NCOA2: variants seen among roughly 807,000 people sequenced by gnomAD.
NCOA2 encodes nuclear receptor coactivator 2, also known as class E basic helix-loop-helix protein 75.
In NCOA2, 21 loss-of-function variants were observed where a neutral mutation model predicts 145.1. That is an observed-to-expected ratio of 0.14 (90% confidence interval 0.10 to 0.21). NCOA2 has a LOEUF of 0.21. Among genes scored for constraint, NCOA2 ranks in the 10% least tolerant of loss-of-function variants. The pLI, the probability that NCOA2 is intolerant of heterozygous loss-of-function variation, is 1.00. For missense variants in NCOA2, 1,472 were observed against 1,837.6 expected, an observed-to-expected ratio of 0.80 and a Z score of 3.64; for synonymous variants, 619 against 637.5, an observed-to-expected ratio of 0.97 and a Z score of 0.44.
intron 1 of NCOA2, among the ~76,000 whole-genome samples, chr8:70,331,029 TAAAGA>T (rs71264506): frequency 0.1 from 15,903 of 152,066 alleles, 1,251 homozygotes; most frequent in East Asian, 0.4. Flanking sequence ...GAACAGTCAG[TAAAGA>T]AAACAGTTCT....
intron 2 of NCOA2, among the ~76,000 whole-genome samples, chr8:70,229,789 T>G (rs1296136209): frequency 2.0e-5 from 3 of 152,138 alleles, no homozygotes; most frequent in Non-Finnish European, 2.9e-5. Flanking sequence ...ACTTCGGAGG[T>G]GAAGCACAGC....
intron 1 of NCOA2, among the ~76,000 whole-genome samples, chr8:70,375,766 A>C (rs1195521958): frequency 6.6e-6 from 1 of 152,166 alleles, no homozygotes; most frequent in Non-Finnish European, 1.5e-5. Flanking sequence ...AAATGTCAAT[A>C]TCTCTAATTC....
chr8:70,364,999 T>G (rs1810558943), intron 1 of NCOA2, among the ~76,000 whole-genome samples: 1 of 152,076 alleles, frequency 6.6e-6, no homozygotes, highest in Non-Finnish European at 1.5e-5. Flanking sequence ...AAAAATATAT[T>G]CACTTCAATC....
the NCOA2 span, among the ~76,000 whole-genome samples, chr8:70,420,537 T>C: frequency 2.0e-4 from 31 of 152,220 alleles, no homozygotes; most frequent in African/African-American, 7.2e-4. Flanking sequence ...CTAATGATTG[T>C]GGCAAAGAAG....
intron 1 of NCOA2, among the ~76,000 whole-genome samples, chr8:70,309,584 T>C (rs1828148607): frequency 6.6e-6 from 1 of 152,140 alleles, no homozygotes; most frequent in African/African-American, 2.4e-5. Flanking sequence ...TCAAGGAACT[T>C]ACAAGAAAAC....
At chr8:70,258,411 T>G (rs762645119) in intron 2 of NCOA2, among the ~76,000 whole-genome samples, 2 of 152,220 alleles carry the variant, frequency 1.3e-5, no homozygotes, top group Non-Finnish European at 2.9e-5. Flanking sequence ...TCTCCCTAAA[T>G]GTACCCAAAA....
intron 1 of NCOA2, among the ~76,000 whole-genome samples, chr8:70,343,859 G>T (rs1385822819): frequency 6.6e-6 from 1 of 151,740 alleles, no homozygotes; most frequent in African/African-American, 2.4e-5. Context: ...GAGTTCCATG[G>T]GAAAACATAA....
At chr8:70,123,117 G>A (rs117556186) in intron 21 of NCOA2, among the ~76,000 whole-genome samples, 1 of 152,266 alleles carries the variant, frequency 6.6e-6, no homozygotes, top group East Asian at 1.9e-4. Flanking sequence ...TATCTCAAAT[G>A]CTTTGAGTCT....
In NCOA2 at chr8:70,156,764, A is replaced by T; in HGVS notation, c.1601T>A (p.Leu534His). Residue 534 changes from leucine to histidine, a missense_variant, in exon 11 of 23, where the codon CTC (leucine) becomes CAC (histidine). Transcript: ENST00000452400. ...CTCGCTGAGGGCCTGAAGTGCATTG[A>T]GGGAGCTGTTGGTATAACTATGGCT... Reference protein sequence around the residue: ...GNSHSYTNSSLNALQALSEGH... With the variant: ...GNSHSYTNSSHNALQALSEGH... 1 of 1,613,970 alleles carries T rather than the reference A, an allele frequency of 6.2e-7. No individual in the cohort carries two copies.
chr8:70,130,208 T>G (rs1808932928), intron 16 of NCOA2, among the ~76,000 whole-genome samples: 1 of 152,186 alleles, frequency 6.6e-6, no homozygotes, highest in South Asian at 2.1e-4. Context: ...TCTCAGAACT[T>G]TAACATGAAT....
At chr8:70,413,129 TAGGTTCTAA>T in the NCOA2 span, among the ~76,000 whole-genome samples, 1 of 149,214 alleles carries the variant, frequency 6.7e-6, no homozygotes, top group Non-Finnish European at 1.5e-5. Context: ...AATAGAGACA[TAGGTTCTAA>T]AGGTTCTAAA....
Position 70,156,632 on chromosome 8 carries a change from C to A in NCOA2, c.1733G>T (p.Gly578Val), listed in dbSNP as rs753181715. The A allele has an allele frequency of 6.2e-6, 10 of 1,613,964 alleles. No homozygotes were observed. The highest frequency in any genetic ancestry group is 8.5e-6 in the Non-Finnish European group (10 of 1,179,900). Reference sequence around the variant, plus strand: ...AAAACAGTCTTTTGAGTCCAAGCTTCCCATCTTGCTGAGTGGGGGAGGATT... The same window carrying A: ...AAAACAGTCTTTTGAGTCCAAGCTTACCATCTTGCTGAGTGGGGGAGGATT... ...NMNPPPLSKM[G>V]SLDSKDCFGL... Residue 578 changes from glycine to valine, a missense_variant, in exon 11 of 23, where the codon GGA becomes GTA. Transcript: ENST00000452400.
chr8:70,456,183 C>G, the NCOA2 span, among the ~76,000 whole-genome samples: 3 of 152,122 alleles, frequency 2.0e-5, no homozygotes, highest in Non-Finnish European at 4.4e-5. Flanking sequence ...AGTCTCTGCA[C>G]CTATAAAAGG....
the NCOA2 span, among the ~76,000 whole-genome samples, chr8:70,422,121 C>A: frequency 2.0e-5 from 3 of 151,372 alleles, no homozygotes; most frequent in African/African-American, 7.3e-5. Flanking sequence ...AAAATATAAA[C>A]AAACCACCAA....
rs1298605310 is a variant in NCOA2, at chr8:70,110,574, T to C, written c.*3058A>G. On this transcript the variant is annotated 3_prime_UTR_variant, in exon 23 of 23. Transcript: ENST00000452400. The stretch of plus-strand genomic sequence containing the variant: ...TCACACCAACAATTAATGGCTTAAG[T>C]TGCATTTCAAAACTGATTGTGTATC... The C allele has an allele frequency of 4.8e-6, 1 of 207,500 alleles. No homozygotes were observed. The highest frequency in any genetic ancestry group is 9.8e-6 in the Non-Finnish European group (1 of 101,748). The allele number at this position is 207,500 out of a possible 1,614,324, so 12.9% of individuals were successfully genotyped here.
At chr8:70,313,171 T>C (rs181037848) in intron 1 of NCOA2, among the ~76,000 whole-genome samples, 2 of 152,348 alleles carry the variant, frequency 1.3e-5, no homozygotes. Context: ...GGTTTTGCCC[T>C]ATTTATAAAA....
intron 1 of NCOA2, among the ~76,000 whole-genome samples, chr8:70,350,812 T>C (rs577124585): frequency 6.6e-5 from 10 of 152,204 alleles, no homozygotes; most frequent in Non-Finnish European, 1.0e-4. Flanking sequence ...AGCTGACCCA[T>C]AGTTATCTGT....
chr8:70,319,506 C>T (rs1805874784), intron 1 of NCOA2, among the ~76,000 whole-genome samples: 1 of 150,962 alleles, frequency 6.6e-6, no homozygotes, highest in Non-Finnish European at 1.5e-5. Context: ...GACACCACTG[C>T]ACACTAGCAT....
chr8:70,141,107 T>A, intron 14 of NCOA2, 77 bp downstream of exon 14: 1 of 1,396,708 alleles, frequency 7.2e-7, no homozygotes, highest in South Asian at 1.2e-5. Flanking sequence ...AAGAAGCATG[T>A]CTTGAAAGAA....
Sources: gnomAD v4.1 joint callset for allele counts (sites outside exome capture counted in the v4.1 genomes callset) on GRCh38, gnomAD v4.1.1 for gene constraint, MANE v1.5 for transcripts, NCBI Gene and HGNC (gene_info 2026-07-23, HGNC 2026-07-21) for gene names.